The following SDK2 variants were observed in gnomAD, a reference collection of about 807,000 sequenced individuals.
The protein encoded by SDK2 is protein sidekick-2.
SDK2 carries 105 observed loss-of-function variants against 253.9 expected under a neutral mutation model. The observed-to-expected ratio is 0.41, with a 90% CI of 0.35 to 0.49. SDK2 has a LOEUF of 0.49. Among genes scored for constraint, SDK2 ranks in the 20% least tolerant of loss-of-function variants. The probability of loss-of-function intolerance (pLI) is 0.06; values close to 1 mark genes in which losing one functional copy is unlikely to be tolerated. For missense variants in SDK2, 2,608 were observed against 3,003.0 expected (o/e 0.87, Z 3.07); for synonymous variants, 1,249 against 1,234.9 (o/e 1.01, Z -0.24).
At chr17:73,484,711 C>T (rs541409139) in intron 2 of SDK2, among the ~76,000 whole-genome samples, 2 of 152,226 alleles carry the variant, frequency 1.3e-5, no homozygotes, top group African/African-American at 2.4e-5. Context: ...TCCTTCCTGC[C>T]TCCTTCAGCT....
At chr17:73,369,300 T>C in intron 36 of SDK2, 1 of 334,724 alleles carries the variant, frequency 3.0e-6, no homozygotes, top group Non-Finnish European at 6.5e-6. Flanking sequence ...TGGCCTCATG[T>C]CACCTGGGAG....
intron 1 of SDK2, among the ~76,000 whole-genome samples, chr17:73,625,248 G>C (rs2046187091): frequency 1.3e-5 from 2 of 152,222 alleles, no homozygotes; most frequent in African/African-American, 4.8e-5. Flanking sequence ...CATCCTGCCT[G>C]TGACGCCCAA....
intron 2 of SDK2, among the ~76,000 whole-genome samples, chr17:73,494,218 C>A (rs888971714): frequency 2.6e-5 from 4 of 152,174 alleles, no homozygotes; most frequent in Admixed American, 2.0e-4. Flanking sequence ...ACTCAGGGGG[C>A]CTGGGTCTGA....
intron 18 of SDK2, among the ~76,000 whole-genome samples, chr17:73,404,092 T>C (rs6501629): frequency 1 from 151,773 of 152,274 alleles, 75,638 homozygotes; most frequent in East Asian, 1. Context: ...ACAATATCAC[T>C]GGGCCTTACC....
At position 73,437,854 on chromosome 17, in the gene SDK2, G is replaced by C. The variant is rs776575742; in HGVS notation, c.917-32C>G. ...GAGGAAGGACCAGGGGAGGGGGTCAGAGCCATGCTCGCTTTGATCCAGCCA... is the reference window on the plus strand; with the variant it reads ...GAGGAAGGACCAGGGGAGGGGGTCACAGCCATGCTCGCTTTGATCCAGCCA... On this transcript the variant is annotated intron_variant, in intron 7 of 44. Transcript: ENST00000392650. The C allele has an allele frequency of 4.3e-5, 69 of 1,611,114 alleles. 2 individuals are homozygous for C. The highest frequency in any genetic ancestry group is 3.1e-4 in the East Asian group (14 of 44,840).
intron 1 of SDK2, among the ~76,000 whole-genome samples, chr17:73,546,279 C>T (rs1159372590): frequency 6.6e-6 from 1 of 152,222 alleles, no homozygotes; most frequent in Non-Finnish European, 1.5e-5. Flanking sequence ...TCAATTAGTT[C>T]ATTAGCTGAC....
intron 2 of SDK2, among the ~76,000 whole-genome samples, chr17:73,495,434 C>G (rs1273060516): frequency 6.6e-6 from 1 of 152,222 alleles, no homozygotes; most frequent in Admixed American, 6.5e-5. Context: ...GACAGACTCC[C>G]ACCCTCCAAC....
rs1191019498 is a variant in SDK2, at chr17:73,446,980, C to T, written c.613+635G>A. Among the ~76,000 whole-genome samples, 8 of 152,202 alleles carry T rather than the reference C, an allele frequency of 5.3e-5. No individual in the cohort carries two copies. The East Asian group carries it at 5.8e-4, about 11-fold the overall frequency. ...TTCAGTCTCGGCTGGACAAGCGTCT[C>T]TTTGCCAAAGCACACCAAGGGAATC... On this transcript the variant is annotated intron_variant, in intron 5 of 44. Coordinates refer to ENST00000392650, the MANE Select transcript of SDK2 (RefSeq NM_001144952.2).
chr17:73,350,634 G>T lies in SDK2; in HGVS notation c.5899+16C>A, dbSNP rs1224502848. 1.2e-6 allele frequency: 2 copies of T among 1,606,312 alleles called. No homozygotes were observed. Among genetic ancestry groups the T allele is most frequent in the Non-Finnish European group, 8.5e-7 (1 of 1,176,436 alleles). The stretch of plus-strand genomic sequence containing the variant: ...AACTCAAGTCCAGCCAGCATGGCTG[G>T]TGCCAGCTCACTCACCCGAGTCTGT... On this transcript the variant is annotated intron_variant, in intron 42 of 44. Transcript: ENST00000392650.
chr17:73,499,721 C>T (rs567920242), intron 2 of SDK2, among the ~76,000 whole-genome samples: 1 of 152,338 alleles, frequency 6.6e-6, no homozygotes, highest in East Asian at 1.9e-4. Context: ...GTTTCTGACC[C>T]TCTCTGAACT....
Position 73,338,805 on chromosome 17 carries a change from T to G in SDK2, c.6301A>C (p.Ser2101Arg). The change falls in exon 45 of 45, where the codon AGC (serine) becomes CGC (arginine). Residue 2101 changes from serine (S) to arginine (R), a missense_variant. Ser to Arg is a moderately radical substitution (Grantham distance 110, BLOSUM62 -1). This residue lies in a region of SDK2 where 1,103 missense variants were observed against 1,143.9 expected (regional missense o/e 0.96). Coordinates refer to ENST00000392650, the MANE Select transcript of SDK2 (RefSeq NM_001144952.2). The surrounding 1 kb of genome is among the most constrained non-coding windows in gnomAD (Gnocchi z 5.0). ...TCACCCGAGTCGCTCTCCGTGTAGC[T>G]GTAGGCCTGTGCCCTCGAGATGCCC... Reference protein sequence around the residue: ...QKGISRAQAYSYTESDSGEPD... With the variant: ...QKGISRAQAYRYTESDSGEPD... 1 of 1,613,956 alleles carries G rather than the reference T, an allele frequency of 6.2e-7. No homozygotes were observed. Among genetic ancestry groups the G allele is most frequent in the Non-Finnish European group, 8.5e-7 (1 of 1,179,870 alleles).
intron 1 of SDK2, among the ~76,000 whole-genome samples, chr17:73,581,859 G>A (rs975848310): frequency 2.6e-5 from 4 of 152,218 alleles, no homozygotes; most frequent in Non-Finnish European, 4.4e-5. Context: ...CATTGGCAGA[G>A]CCACCTGAGG....
At chr17:73,561,991 T>C (rs2045242583) in intron 1 of SDK2, among the ~76,000 whole-genome samples, 1 of 152,020 alleles carries the variant, frequency 6.6e-6, no homozygotes, top group Non-Finnish European at 1.5e-5. Flanking sequence ...CTGGGCGTGG[T>C]GGTGTGCGCC....
intron 2 of SDK2, among the ~76,000 whole-genome samples, chr17:73,502,766 TG>T (rs1567809849): frequency 2.0e-5 from 3 of 152,186 alleles, no homozygotes; most frequent in Non-Finnish European, 4.4e-5. Context: ...ACTAAACCAC[TG>T]GGTGGGAGAG....
chr17:73,398,531 C>T, intron 22 of SDK2, 102 bp from the exon 23 acceptor site: 3 of 967,814 alleles, frequency 3.1e-6, no homozygotes, highest in South Asian at 3.0e-5. Flanking sequence ...TGGTTCAGAA[C>T]CCAGGGCTCA....
At chr17:73,357,658 G>A in intron 40 of SDK2, 1 of 305,220 alleles carries the variant, frequency 3.3e-6, no homozygotes, top group Non-Finnish European at 6.2e-6. Flanking sequence ...GGAGAGGCTG[G>A]TACGATTATA....
chr17:73,524,489 G>C (rs77186573), intron 1 of SDK2, among the ~76,000 whole-genome samples: 5 of 152,160 alleles, frequency 3.3e-5, no homozygotes, highest in African/African-American at 4.8e-5. Context: ...AGAATGAGGG[G>C]CTCCTTGTAT....
At chr17:73,515,226 G>A (rs935245565) in intron 1 of SDK2, among the ~76,000 whole-genome samples, 1 of 152,146 alleles carries the variant, frequency 6.6e-6, no homozygotes, top group African/African-American at 2.4e-5. Context: ...CAGAGCTCTG[G>A]ATCTTTCTAT....
Position 73,475,538 on chromosome 17 carries a change from GACAA to G in SDK2, c.225-3324_225-3321del, listed in dbSNP as rs370528479. On this transcript the variant is annotated intron_variant, in intron 2 of 44. Coordinates refer to ENST00000392650, the MANE Select transcript of SDK2 (RefSeq NM_001144952.2). ...TGTAGCATTTGCTTGCCATCGCAGA[GACAA>G]ACAAACGAAAGCTAGAAGCAAACTA... 1.8e-4 allele frequency among the ~76,000 whole-genome samples: 27 copies of G among 152,324 alleles called. No individual in the cohort carries two copies. In the East Asian group the frequency reaches 3.9e-3, roughly 22 times the overall value.
Sources: gnomAD v4.1 joint callset for allele counts (sites outside exome capture counted in the v4.1 genomes callset) on GRCh38, gnomAD v4.1.1 for gene constraint, gnomAD v4.1.1 regional missense constraint, Gnocchi (gnomAD v3.1) non-coding constraint, MANE v1.5 for transcripts, NCBI Gene and HGNC (gene_info 2026-07-23, HGNC 2026-07-21) for gene names.